The following EML1 variants were observed in gnomAD, a reference collection of about 807,000 sequenced individuals.
The protein encoded by EML1 is echinoderm microtubule-associated protein-like 1.
A neutral mutation model predicts 110.4 loss-of-function variants in EML1; 27 were observed. The ratio of observed to expected loss-of-function variants is 0.24; its 90% CI spans 0.18 to 0.34. The LOEUF is 0.34. Among genes scored for constraint, EML1 ranks in the 10% least tolerant of loss-of-function variants. The probability of loss-of-function intolerance (pLI) is 1.00; values close to 1 mark genes in which losing one functional copy is unlikely to be tolerated. For synonymous variants in EML1, 344 were observed against 385.8 expected (o/e 0.89, Z 1.27); for missense variants, 741 against 1,030.9 (o/e 0.72, Z 3.85).
chr14:99,828,597 G>A (rs191534063), intron 1 of EML1, among the ~76,000 whole-genome samples: 3 of 152,052 alleles, frequency 2.0e-5, no homozygotes, highest in East Asian at 3.9e-4. Flanking sequence ...GTCACCATAG[G>A]TATATATATA....
chr14:99,786,149 C>T (rs2057598174), intron 1 of EML1, among the ~76,000 whole-genome samples: 1 of 151,856 alleles, frequency 6.6e-6, no homozygotes, highest in African/African-American at 2.4e-5. Context: ...AGATGCCACC[C>T]AGGTGAAAGT....
intron 1 of EML1, among the ~76,000 whole-genome samples, chr14:99,829,026 A>G (rs758300028): frequency 2.6e-5 from 4 of 152,158 alleles, no homozygotes; most frequent in Non-Finnish European, 4.4e-5. Flanking sequence ...GTGTTGTTCA[A>G]CTGTCTAGGA....
chr14:99,811,479 A>C lies in EML1; in HGVS notation c.67+17936A>C, dbSNP rs112246911. Among the ~76,000 whole-genome samples the C allele has an allele frequency of 9.7e-3, 1,466 of 151,862 alleles. 21 individuals carry two copies. Among genetic ancestry groups the C allele is most frequent in the African/African-American group, 0.034 (1,397 of 41,510 alleles). Reference sequence around the variant, plus strand: ...ATGTATTGTATACTGTATTCTTACAATACAGTGAGCTAGGGAAAGGAAAAT... The same window carrying C: ...ATGTATTGTATACTGTATTCTTACACTACAGTGAGCTAGGGAAAGGAAAAT... On this transcript the variant is annotated intron_variant, in intron 1 of 21. Coordinates refer to ENST00000262233, the MANE Select transcript of EML1 (RefSeq NM_004434.3).
At chr14:99,864,727 G>A (rs1437838802) in intron 2 of EML1, among the ~76,000 whole-genome samples, 4 of 150,398 alleles carry the variant, frequency 2.7e-5, no homozygotes, top group Admixed American at 6.7e-5. Context: ...TAGGAGAATC[G>A]CTTGAACCCA....
At chr14:99,867,907 G>A (rs751156399) in intron 3 of EML1, among the ~76,000 whole-genome samples, 1 of 152,118 alleles carries the variant, frequency 6.6e-6, no homozygotes, top group Non-Finnish European at 1.5e-5. Context: ...TAATTTTAGA[G>A]GAAAAGCTTT....
At chr14:99,857,615 C>T (rs571110212) in intron 2 of EML1, among the ~76,000 whole-genome samples, 2 of 152,332 alleles carry the variant, frequency 1.3e-5, no homozygotes, top group African/African-American at 4.8e-5. Context: ...AACTGCTAGT[C>T]TACATCATGT....
chr14:99,804,523 T>A (rs1182931477), intron 1 of EML1, among the ~76,000 whole-genome samples: 1 of 152,198 alleles, frequency 6.6e-6, no homozygotes, highest in Non-Finnish European at 1.5e-5. Flanking sequence ...GGCCAGTGTG[T>A]TTCAGAGCTG....
chr14:99,755,754 C>T (rs1308007268), intron 1 of EML1, among the ~76,000 whole-genome samples: 1 of 152,186 alleles, frequency 6.6e-6, no homozygotes, highest in South Asian at 2.1e-4. Context: ...TGCCAACCCC[C>T]GCAAGGGGCA....
At chr14:99,859,755 A>G (rs936400483) in intron 2 of EML1, among the ~76,000 whole-genome samples, 2 of 152,226 alleles carry the variant, frequency 1.3e-5, no homozygotes, top group Non-Finnish European at 2.9e-5. Flanking sequence ...CAGGATATGC[A>G]GCCCATGGGT....
In EML1 at chr14:99,886,737, A is replaced by G. The variant is rs2059482508; in HGVS notation, c.519-4462A>G. Among the ~76,000 whole-genome samples, 6 of 152,194 alleles carry G rather than the reference A, an allele frequency of 3.9e-5. No homozygotes were observed. In the South Asian group the frequency reaches 1.2e-3, roughly 32 times the overall value. On this transcript the variant is annotated intron_variant, in intron 4 of 21. Coordinates refer to ENST00000262233, the MANE Select transcript of EML1 (RefSeq NM_004434.3). ...TCTGGCCCCAGAGCCCCCTTTCAGGAACATGGGGTTAGGTTAGTTAATGTA... is the reference window on the plus strand; with the variant it reads ...TCTGGCCCCAGAGCCCCCTTTCAGGGACATGGGGTTAGGTTAGTTAATGTA...
intron 9 of EML1, 132 bp from the exon 10 acceptor site, chr14:99,907,506 C>T (rs2059871069): frequency 9.2e-6 from 7 of 759,192 alleles, no homozygotes; most frequent in Non-Finnish European, 1.5e-5. Context: ...GTCTCAAAAG[C>T]AATGGATGAG....
intron 1 of EML1, among the ~76,000 whole-genome samples, chr14:99,813,511 T>C (rs2058116013): frequency 6.6e-6 from 1 of 152,096 alleles, no homozygotes; most frequent in African/African-American, 2.4e-5. Context: ...GCCCAGGAGT[T>C]TGAGACCAGC....
In EML1 at chr14:99,781,421, C is replaced by G. The variant is rs1000544795; in HGVS notation, c.-27+7408C>G. Among the ~76,000 whole-genome samples, 1 of 152,184 alleles carries G rather than the reference C, an allele frequency of 6.6e-6. No homozygotes were observed. ...TCCTGATTCCTACACCCCACCACTCCTGCCCTCTAGACCCCAGATCCTCTC... is the reference window on the plus strand; with the variant it reads ...TCCTGATTCCTACACCCCACCACTCGTGCCCTCTAGACCCCAGATCCTCTC... On this transcript the variant is annotated intron_variant, in intron 1 of 22. Coordinates refer to the EML1 transcript ENST00000327921. The surrounding 1 kb of genome is among the most constrained non-coding windows in gnomAD (Gnocchi z 4.2).
chr14:99,932,801 TA>T (rs1460638562), intron 17 of EML1, among the ~76,000 whole-genome samples: 1 of 151,828 alleles, frequency 6.6e-6, no homozygotes, highest in African/African-American at 2.4e-5. Context: ...CCAATTGCGT[TA>T]AACCTGTTTG....
chr14:99,920,946 T>C (rs1701915546), intron 17 of EML1, 69 bp downstream of exon 17: 1 of 1,455,636 alleles, frequency 6.9e-7, no homozygotes, highest in Non-Finnish European at 9.5e-7. Flanking sequence ...GGAGTCCATG[T>C]GCAGGATGTG....
rs530550698 is a variant in EML1, at chr14:99,905,933, C to T, written c.1009-1705C>T. 6.6e-6 allele frequency among the ~76,000 whole-genome samples: 1 copy of T among 151,442 alleles called. No homozygotes were observed. Among genetic ancestry groups the T allele is most frequent in the South Asian group, 2.1e-4 (1 of 4,822 alleles). ...CATCCTTTGCCCAGGTGTGTGCCCC[C>T]CCCTTACCCAAAATCAGCCATTCGG... On this transcript the variant is annotated intron_variant, in intron 9 of 21. Transcript: ENST00000262233. The surrounding 1 kb of genome is among the most constrained non-coding windows in gnomAD (Gnocchi z 4.1).
intron 1 of EML1, among the ~76,000 whole-genome samples, chr14:99,820,237 A>G (rs1286075640): frequency 1.3e-5 from 2 of 152,232 alleles, no homozygotes. Flanking sequence ...GGGCTAACAC[A>G]GTATTTTGTT....
intron 1 of EML1, among the ~76,000 whole-genome samples, chr14:99,794,887 C>A (rs1211990937): frequency 6.6e-6 from 1 of 152,114 alleles, no homozygotes; most frequent in Non-Finnish European, 1.5e-5. Flanking sequence ...GTCATGGGAA[C>A]GGTTTTGCTC....
At chr14:99,759,612 C>G (rs1305340588) in intron 1 of EML1, among the ~76,000 whole-genome samples, 1 of 152,208 alleles carries the variant, frequency 6.6e-6, no homozygotes. Context: ...TCGGGTGCAC[C>G]GTCCTACAGT....
Sources: allele counts gnomAD v4.1 joint callset (sites outside exome capture counted in the v4.1 genomes callset), GRCh38; gene constraint gnomAD v4.1.1; non-coding constraint Gnocchi (gnomAD v3.1); transcripts MANE v1.5; gene names NCBI Gene and HGNC (gene_info 2026-07-23, HGNC 2026-07-21).